Variants in DISC1 observed in about 807,000 individuals in gnomAD.
DISC1 encodes the protein DISC1 scaffold protein.
In DISC1, 57 loss-of-function variants were observed where a neutral mutation model predicts 84.5. The observed-to-expected ratio is 0.67, with a 90% confidence interval of 0.55 to 0.84. The LOEUF is 0.84. DISC1 is among the 40% of genes least tolerant of loss of function. The pLI, the probability that DISC1 is intolerant of heterozygous loss-of-function variation, is 0.00. For missense variants in DISC1, 1,000 were observed against 1,057.8 expected, an observed-to-expected ratio of 0.95 and a Z score of 0.76; for synonymous variants, 411 against 415.2, an observed-to-expected ratio of 0.99 and a Z score of 0.12.
chr1:231,733,106 T>C (rs1046393002), intron 3 of DISC1, among the ~76,000 whole-genome samples: 1 of 4,668 alleles, frequency 2.1e-4, no homozygotes, highest in Non-Finnish European at 4.6e-4. Flanking sequence ...GAGTTGGTGA[T>C]GGTGGTAGTG....
intron 3 of DISC1, among the ~76,000 whole-genome samples, chr1:231,747,274 T>C (rs2074095097): frequency 6.6e-6 from 1 of 152,218 alleles, no homozygotes; most frequent in Non-Finnish European, 1.5e-5. Flanking sequence ...TTTAATTTGA[T>C]AAAATCTCAC....
chr1:231,840,669 A>G (rs764665475), intron 9 of DISC1, among the ~76,000 whole-genome samples: 7 of 151,630 alleles, frequency 4.6e-5, no homozygotes, highest in African/African-American at 1.7e-4. Context: ...TAACAGCCCA[A>G]GGGAATTCTT....
At chr1:232,006,746 G>C (rs1667498328) in intron 10 of DISC1, among the ~76,000 whole-genome samples, 2 of 152,178 alleles carry the variant, frequency 1.3e-5, no homozygotes, top group Admixed American at 1.3e-4. Flanking sequence ...GCAGAAATTT[G>C]CATAAGTAAC....
At chr1:231,756,087 C>T (rs989944599) in intron 4 of DISC1, among the ~76,000 whole-genome samples, 3 of 152,230 alleles carry the variant, frequency 2.0e-5, no homozygotes, top group Admixed American at 6.5e-5. Context: ...TAGACATTAC[C>T]AGCATCTGCA....
intron 6 of DISC1, among the ~76,000 whole-genome samples, chr1:231,785,035 C>T (rs572985481): frequency 8.5e-5 from 13 of 152,134 alleles, no homozygotes; most frequent in South Asian, 2.1e-4. Context: ...CATGAATGTC[C>T]GATGGGTGCC....
chr1:232,014,905 C>T (rs1048778356), intron 11 of DISC1, among the ~76,000 whole-genome samples: 3 of 152,204 alleles, frequency 2.0e-5, no homozygotes, highest in Non-Finnish European at 4.4e-5. Context: ...AATATTTCAT[C>T]GCTCTACATA....
chr1:231,888,131 C>T (rs1236158512), intron 9 of DISC1, among the ~76,000 whole-genome samples: 3 of 152,174 alleles, frequency 2.0e-5, no homozygotes, highest in African/African-American at 7.2e-5. Flanking sequence ...GAGTGATAAT[C>T]CCCTAAAAAT....
intron 10 of DISC1, among the ~76,000 whole-genome samples, chr1:231,962,993 A>G (rs1257082354): frequency 2.0e-5 from 3 of 152,178 alleles, no homozygotes; most frequent in African/African-American, 7.2e-5. Context: ...TGATCATAAT[A>G]GCAACTTTTC....
At chr1:231,821,093 A>G (rs1480284068) in intron 9 of DISC1, among the ~76,000 whole-genome samples, 1 of 152,176 alleles carries the variant, frequency 6.6e-6, no homozygotes, top group Non-Finnish European at 1.5e-5. Context: ...GTTTCACTGT[A>G]CTGCTTTGGT....
rs546515954 is a variant in DISC1, at chr1:232,036,627, C to T, written c.2426-65C>T. On this transcript the variant is annotated intron_variant, in intron 12 of 12. Transcript: ENST00000439617. ...GCTTCCAGCAGGCTCACACGCTCTT[C>T]GATCCCTCGGAGGCCGCAGAGGGCC... 69 of 1,412,388 alleles carry T rather than the reference C, an allele frequency of 4.9e-5. No individual in the cohort carries two copies. In the South Asian group the frequency reaches 9.2e-4, roughly 19 times the overall value. 87.5% of individuals were successfully genotyped at this position (1,412,388 alleles called of 1,614,324 possible).
At chr1:231,883,154 G>A (rs1402848120) in intron 9 of DISC1, among the ~76,000 whole-genome samples, 1 of 152,064 alleles carries the variant, frequency 6.6e-6, no homozygotes, top group East Asian at 1.9e-4. Context: ...TTAATAAGAG[G>A]AATCAAGAAA....
intron 1 of DISC1, among the ~76,000 whole-genome samples, chr1:231,667,109 A>G (rs1352360035): frequency 6.6e-6 from 1 of 152,216 alleles, no homozygotes; most frequent in African/African-American, 2.4e-5. Flanking sequence ...AAGTCCTTAC[A>G]GAGCAGCTTG....
chr1:232,003,249 A>C (rs1001776311), intron 10 of DISC1, among the ~76,000 whole-genome samples: 1 of 152,206 alleles, frequency 6.6e-6, no homozygotes, highest in Non-Finnish European at 1.5e-5. Context: ...TCATTTTAAA[A>C]ATATGCAAAT....
chr1:231,957,577 G>A (rs200191011), intron 9 of DISC1, among the ~76,000 whole-genome samples: 16 of 152,096 alleles, frequency 1.1e-4, no homozygotes, highest in Non-Finnish European at 2.2e-4. Flanking sequence ...CAGAGAGGGC[G>A]TTTCTGGTTT....
chr1:231,917,268 AT>A (rs1330900974), intron 9 of DISC1, among the ~76,000 whole-genome samples: 1 of 152,176 alleles, frequency 6.6e-6, no homozygotes. Flanking sequence ...AATAATTCAG[AT>A]TGTTTGAAAG....
At chr1:231,741,494 A>C (rs2073265227) in intron 3 of DISC1, among the ~76,000 whole-genome samples, 1 of 152,260 alleles carries the variant, frequency 6.6e-6, no homozygotes, top group Non-Finnish European at 1.5e-5. Context: ...TGAGCCAGGC[A>C]GCATCCCAGG....
intron 11 of DISC1, among the ~76,000 whole-genome samples, chr1:232,013,453 G>GGT (rs796992546): frequency 2.0e-5 from 3 of 152,224 alleles, no homozygotes; most frequent in African/African-American, 7.2e-5. Flanking sequence ...CGGGTGGAAA[G>GGT]GTGTGATACC....
At chr1:231,736,289 G>A (rs1573388269) in intron 3 of DISC1, among the ~76,000 whole-genome samples, 1 of 152,162 alleles carries the variant, frequency 6.6e-6, no homozygotes, top group Non-Finnish European at 1.5e-5. Flanking sequence ...AAACTACAGG[G>A]GAAGGTACTG....
At chr1:231,807,409 G>A (rs2079824657) in intron 8 of DISC1, among the ~76,000 whole-genome samples, 6 of 152,142 alleles carry the variant, frequency 3.9e-5, no homozygotes, top group Admixed American at 3.3e-4. Context: ...TTATTGATCT[G>A]GTCCATCTGT....
Sources: allele counts gnomAD v4.1 joint callset (sites outside exome capture counted in the v4.1 genomes callset), GRCh38; gene constraint gnomAD v4.1.1; transcripts MANE v1.5; gene names NCBI Gene and HGNC (gene_info 2026-07-23, HGNC 2026-07-21).